Variants in SND1 observed in about 807,000 individuals in gnomAD.
The protein encoded by SND1 is staphylococcal nuclease and tudor domain containing 1, also known as staphylococcal nuclease domain-containing protein 1.
In SND1, 38 loss-of-function variants were observed where a neutral mutation model predicts 121.7. The observed-to-expected ratio is 0.31, with a 90% CI of 0.24 to 0.41. The LOEUF is 0.41. SND1 is among the 10% of genes least tolerant of loss of function. The pLI is 1.00. For synonymous variants in SND1, 401 were observed against 447.4 expected, an observed-to-expected ratio of 0.90 and a Z score of 1.31; for missense variants, 868 against 1,184.6, an observed-to-expected ratio of 0.73 and a Z score of 3.92.
intron 12 of SND1, among the ~76,000 whole-genome samples, chr7:127,874,313 T>TA (rs1227472239): frequency 1.3e-5 from 2 of 152,174 alleles, no homozygotes; most frequent in Non-Finnish European, 2.9e-5. Context: ...AGTTGACTGT[T>TA]ACATCCATTG....
At chr7:128,068,458 G>A (rs1051131985) in intron 16 of SND1, among the ~76,000 whole-genome samples, 2 of 152,190 alleles carry the variant, frequency 1.3e-5, no homozygotes, top group Non-Finnish European at 2.9e-5. Context: ...TAGAGAAGGA[G>A]AAGGACTTGG....
intron 11 of SND1, among the ~76,000 whole-genome samples, chr7:127,825,914 G>A (rs1051086823): frequency 2.0e-5 from 3 of 152,050 alleles, no homozygotes; most frequent in African/African-American, 7.2e-5. Context: ...AATGGAGGCC[G>A]GGCGTGGTGG....
chr7:127,663,235 G>A (rs558715685), intron 1 of SND1, among the ~76,000 whole-genome samples: 1 of 152,066 alleles, frequency 6.6e-6, no homozygotes, highest in African/African-American at 2.4e-5. Context: ...ACCTAATACA[G>A]TGTAAATGCT....
rs1801241641 is a variant in SND1 at position 127,942,665 on chromosome 7, A to C, written c.1669+13336A>C. On this transcript the variant is annotated intron_variant, in intron 15 of 23. Coordinates refer to ENST00000354725, the MANE Select transcript of SND1 (RefSeq NM_014390.4). ...CCTGTTGGTGAATGCTAACTTTTAA[A>C]ACATCACATGAAAAATACAGGGAAG... Among the ~76,000 whole-genome samples, 3 of 152,212 alleles carry C rather than the reference A, an allele frequency of 2.0e-5. No homozygotes were observed. The South Asian group carries it at 6.2e-4, about 32-fold the overall frequency.
chr7:127,916,509 C>T (rs987930801), intron 14 of SND1, among the ~76,000 whole-genome samples: 2 of 152,066 alleles, frequency 1.3e-5, no homozygotes, highest in African/African-American at 4.8e-5. Context: ...TATAGGACAC[C>T]TAGATGTGAG....
chr7:127,814,579 A>T (rs905748660), intron 11 of SND1, among the ~76,000 whole-genome samples: 3 of 151,952 alleles, frequency 2.0e-5, no homozygotes, highest in Non-Finnish European at 4.4e-5. Flanking sequence ...AGTTTTGTCC[A>T]CTTACAAGGA....
intron 11 of SND1, among the ~76,000 whole-genome samples, chr7:127,810,179 C>A (rs1321606893): frequency 6.6e-6 from 1 of 152,146 alleles, no homozygotes; most frequent in African/African-American, 2.4e-5. Context: ...GAGTATTTTT[C>A]CCTTTCTTTG....
At chr7:127,971,411 A>G (rs891006071) in intron 15 of SND1, among the ~76,000 whole-genome samples, 4 of 152,208 alleles carry the variant, frequency 2.6e-5, no homozygotes, top group Admixed American at 6.5e-5. Flanking sequence ...TAAGTTTGGA[A>G]AGTCAGATAT....
intron 10 of SND1, among the ~76,000 whole-genome samples, chr7:127,787,577 T>C (rs1477559628): frequency 6.6e-6 from 1 of 152,234 alleles, no homozygotes; most frequent in Non-Finnish European, 1.5e-5. Context: ...TGTTGATGTT[T>C]TAATGTGCCA....
chr7:127,993,665 G>A (rs890667585), intron 16 of SND1, among the ~76,000 whole-genome samples: 3 of 152,208 alleles, frequency 2.0e-5, no homozygotes, highest in Admixed American at 6.5e-5. Flanking sequence ...TTTTGAAGAC[G>A]TGATTGTCCT....
At chr7:127,782,294 C>G (rs1394843366) in intron 10 of SND1, among the ~76,000 whole-genome samples, 1 of 152,152 alleles carries the variant, frequency 6.6e-6, no homozygotes, top group African/African-American at 2.4e-5. Flanking sequence ...TAATAGGATC[C>G]TAATCACAAT....
At chr7:127,790,304 C>T (rs1314834247) in intron 10 of SND1, among the ~76,000 whole-genome samples, 3 of 152,142 alleles carry the variant, frequency 2.0e-5, no homozygotes, top group African/African-American at 4.8e-5. Flanking sequence ...GATGCTTAGG[C>T]TCCCTGGCTT....
intron 1 of SND1, among the ~76,000 whole-genome samples, chr7:127,669,466 C>T (rs186706262): frequency 5.8e-4 from 88 of 152,342 alleles, no homozygotes; most frequent in Non-Finnish European, 8.2e-4. Flanking sequence ...TGGAGAATCT[C>T]TCAATTAACT....
Position 128,012,094 on chromosome 7 carries a change from G to A in SND1, c.1779+21038G>A, listed in dbSNP as rs1048219415. Among the ~76,000 whole-genome samples the A allele has an allele frequency of 2.6e-5, 4 of 152,160 alleles. 1 individual carries two copies. Among genetic ancestry groups the A allele is most frequent in the African/African-American group, 9.7e-5 (4 of 41,418 alleles). On this transcript the variant is annotated intron_variant, in intron 16 of 23. Coordinates refer to ENST00000354725, the MANE Select transcript of SND1 (RefSeq NM_014390.4). ...TTGAGAACCACTAGTTAGTTTAGGG[G>A]ATTAAATTTGGATCACCATGCCCTA...
At chr7:127,878,577 A>G (rs1264623230) in intron 12 of SND1, among the ~76,000 whole-genome samples, 1 of 152,074 alleles carries the variant, frequency 6.6e-6, no homozygotes, top group East Asian at 1.9e-4. Context: ...AAGCCTGGCT[A>G]GGGATGTCGA....
At chr7:127,679,343 G>A (rs1353754193) in intron 1 of SND1, 2 of 152,200 alleles carry the variant, frequency 1.3e-5, no homozygotes, top group East Asian at 1.9e-4. Context: ...TTTTCAGCTA[G>A]CATCTAATCT....
chr7:127,844,762 G>C (rs1799027340), intron 12 of SND1, among the ~76,000 whole-genome samples: 1 of 152,190 alleles, frequency 6.6e-6, no homozygotes, highest in Non-Finnish European at 1.5e-5. Flanking sequence ...ATTGGTTTAG[G>C]AAGTCTAGGT....
chr7:127,884,433 C>T (rs1301768284), intron 12 of SND1, among the ~76,000 whole-genome samples: 1 of 152,158 alleles, frequency 6.6e-6, no homozygotes, highest in Non-Finnish European at 1.5e-5. Flanking sequence ...ATCACTGCTA[C>T]TTCAGCCAAG....
At chr7:128,035,025 C>T (rs1177120655) in intron 16 of SND1, among the ~76,000 whole-genome samples, 1 of 152,176 alleles carries the variant, frequency 6.6e-6, no homozygotes, top group Non-Finnish European at 1.5e-5. Context: ...TTTTCACTTG[C>T]AGTTTCACAC....
Sources: gnomAD v4.1 joint callset for allele counts (sites outside exome capture counted in the v4.1 genomes callset) on GRCh38, gnomAD v4.1.1 for gene constraint, MANE v1.5 for transcripts, NCBI Gene and HGNC (gene_info 2026-07-23, HGNC 2026-07-21) for gene names.